The following SPECC1L variants were observed in gnomAD, a reference collection of about 807,000 sequenced individuals.
SPECC1L encodes cytospin-A.
A neutral mutation model predicts 116.8 loss-of-function variants in SPECC1L; 40 were observed. That is an observed-to-expected ratio of 0.34 (90% CI 0.27 to 0.45). The LOEUF (loss-of-function observed/expected upper bound fraction) is 0.45, where lower values mean the gene tolerates loss of function less well. Among genes scored for constraint, SPECC1L ranks in the 20% least tolerant of loss-of-function variants. The pLI is 1.00. For synonymous variants in SPECC1L, 504 were observed against 500.6 expected (o/e 1.01, Z -0.09); for missense variants, 1,110 against 1,373.6 (o/e 0.81, Z 3.03).
chr22:24,364,732 T>G (rs1035622148), intron 12 of SPECC1L, among the ~76,000 whole-genome samples: 16 of 152,272 alleles, frequency 1.1e-4, no homozygotes, highest in African/African-American at 3.9e-4. Flanking sequence ...TGTCTTTCCT[T>G]TCTGTCCCTT....
chr22:24,391,931 T>A (rs1601335729), intron 14 of SPECC1L, among the ~76,000 whole-genome samples: 3 of 152,362 alleles, frequency 2.0e-5, no homozygotes, highest in Admixed American at 2.0e-4. Context: ...GATAATTGTC[T>A]CAGGATGCAT....
intron 2 of SPECC1L, among the ~76,000 whole-genome samples, chr22:24,279,087 C>T (rs2146330493): frequency 6.6e-6 from 1 of 152,242 alleles, no homozygotes; most frequent in African/African-American, 2.4e-5. Context: ...GGCAAAACTT[C>T]CAGGCCCATT....
At chr22:24,376,108 AAGAC>A (rs1196197573) in intron 14 of SPECC1L, among the ~76,000 whole-genome samples, 2 of 152,230 alleles carry the variant, frequency 1.3e-5, no homozygotes, top group Non-Finnish European at 2.9e-5. Context: ...AGTTCTAGCT[AAGAC>A]AGACAAGAAA....
chr22:24,296,766 TG>T (rs1238912462), intron 2 of SPECC1L, among the ~76,000 whole-genome samples: 1 of 152,176 alleles, frequency 6.6e-6, no homozygotes, highest in Non-Finnish European at 1.5e-5. Flanking sequence ...AATTCTAATT[TG>T]TTTTTTTATG....
At chr22:24,339,065 A>G (rs1254503224) in intron 10 of SPECC1L, among the ~76,000 whole-genome samples, 1 of 152,230 alleles carries the variant, frequency 6.6e-6, no homozygotes, top group Non-Finnish European at 1.5e-5. Context: ...TTGACTAGGC[A>G]ATTCTTTGCT....
chr22:24,292,899 AC>A (rs2049181639), intron 2 of SPECC1L, among the ~76,000 whole-genome samples: 1 of 152,200 alleles, frequency 6.6e-6, no homozygotes, highest in Admixed American at 6.5e-5. Flanking sequence ...AAAGGCTGGA[AC>A]CTTGGGCTGA....
chr22:24,400,265 G>A (rs1327486800), intron 14 of SPECC1L, among the ~76,000 whole-genome samples: 4 of 152,126 alleles, frequency 2.6e-5, no homozygotes, highest in African/African-American at 9.7e-5. Flanking sequence ...GCAACCACTC[G>A]TCTACTTTCT....
In SPECC1L at chr22:24,383,895, C is replaced by T. The variant is rs559663709; in HGVS notation, c.3087+14575C>T. Among the ~76,000 whole-genome samples, 9 of 145,060 alleles carry T rather than the reference C, an allele frequency of 6.2e-5. No homozygotes were observed. In the East Asian group the frequency reaches 1.0e-3, roughly 16 times the overall value. On this transcript the variant is annotated intron_variant, in intron 14 of 16. Coordinates refer to ENST00000314328, the MANE Select transcript of SPECC1L (RefSeq NM_015330.6). Reference sequence around the variant, plus strand: ...CTCGAACTCCAGACCTCAGGTGATCCGCCCACCTGGGCCCCCCAAAGTGCT... The same window carrying T: ...CTCGAACTCCAGACCTCAGGTGATCTGCCCACCTGGGCCCCCCAAAGTGCT...
In SPECC1L at chr22:24,347,141, A is replaced by G; in HGVS notation, c.2708A>G (p.Asp903Gly). 1 of 1,614,016 alleles carries G rather than the reference A, an allele frequency of 6.2e-7. No individual in the cohort carries two copies. Among genetic ancestry groups the G allele is most frequent in the Non-Finnish European group, 8.5e-7 (1 of 1,179,902 alleles). ...STSKPLTALSDKRPNYGEIPV... is the reference protein window; with the variant it reads ...STSKPLTALSGKRPNYGEIPV... ...TCCAAACCCCTGACAGCCCTGTCAG[A>G]TAAGAGACCAAACTATGGGGAAATC... Residue 903 changes from aspartate (D) to glycine (G), a missense_variant, in exon 11 of 17, where the codon GAT becomes GGT. Around this residue, in one of 4 missense-constraint regions of SPECC1L, gnomAD observed 575 missense variants for 682.4 expected, o/e 0.84. Coordinates refer to ENST00000314328, the MANE Select transcript of SPECC1L (RefSeq NM_015330.6).
At chr22:24,363,034 G>A (rs977931329) in intron 11 of SPECC1L, among the ~76,000 whole-genome samples, 2 of 152,164 alleles carry the variant, frequency 1.3e-5, no homozygotes, top group Non-Finnish European at 2.9e-5. Context: ...TCTGTGTGGG[G>A]CGTCTCATTC....
intron 10 of SPECC1L, among the ~76,000 whole-genome samples, chr22:24,346,509 T>C (rs1452803838): frequency 6.6e-6 from 1 of 152,204 alleles, no homozygotes; most frequent in African/African-American, 2.4e-5. Context: ...TGCATTTTAT[T>C]TTGGAACATG....
intron 8 of SPECC1L, among the ~76,000 whole-genome samples, chr22:24,331,707 G>A (rs1249986600): frequency 6.6e-6 from 1 of 152,034 alleles, no homozygotes; most frequent in African/African-American, 2.4e-5. Context: ...CACATTGTTT[G>A]CCCTTTTCAC....
chr22:24,411,477 G>A, intron 14 of SPECC1L, 111 bp from the exon 15 acceptor site: 1 of 997,468 alleles, frequency 1.0e-6, no homozygotes, highest in Non-Finnish European at 1.6e-6. Context: ...CCTGGTTTTG[G>A]TTTTGTGTTT....
Position 24,305,929 on chromosome 22 carries a change from T to A in SPECC1L, c.153+3545T>A, listed in dbSNP as rs570333225. 1.2e-3 allele frequency among the ~76,000 whole-genome samples: 182 copies of A among 152,312 alleles called. 3 individuals are homozygous for A. The highest frequency in any genetic ancestry group is 0.012 in the Admixed American group (178 of 15,300). On this transcript the variant is annotated intron_variant, in intron 3 of 16. Transcript: ENST00000314328. ...TGAATACCTTTTCATACAATCTTTT[T>A]TTTTTTTTTGAGATGGAGTTTCACT...
At chr22:24,355,812 C>G (rs2041521043) in intron 11 of SPECC1L, among the ~76,000 whole-genome samples, 1 of 151,274 alleles carries the variant, frequency 6.6e-6, no homozygotes, top group African/African-American at 2.4e-5. Context: ...TCTCTCCCTC[C>G]CTCCCCCCGT....
intron 4 of SPECC1L, among the ~76,000 whole-genome samples, chr22:24,316,889 C>T (rs2040583040): frequency 8.0e-6 from 1 of 124,462 alleles, no homozygotes; most frequent in Non-Finnish European, 1.8e-5. Context: ...CTGGATGGGG[C>T]GGCTGGCCGG....
intron 9 of SPECC1L, among the ~76,000 whole-genome samples, chr22:24,337,430 A>G (rs1417566069): frequency 6.6e-6 from 1 of 152,218 alleles, no homozygotes; most frequent in Non-Finnish European, 1.5e-5. Context: ...CTGGCGGGAC[A>G]GTGGATGGGA....
At chr22:24,369,132 C>A in intron 13 of SPECC1L, 86 bp from the exon 14 acceptor site, 1 of 917,800 alleles carries the variant, frequency 1.1e-6, no homozygotes, top group Non-Finnish European at 1.8e-6. Context: ...TATATTTCCC[C>A]TGTTTAAAAA....
In SPECC1L at chr22:24,299,451, CAG is replaced by C. The variant is rs2049332209; in HGVS notation, c.-37-2743_-37-2742del. On this transcript the variant is annotated intron_variant, in intron 2 of 16. Coordinates refer to ENST00000314328, the MANE Select transcript of SPECC1L (RefSeq NM_015330.6). ...GACCCTGTCTCAAAAAAACGGTGAA[CAG>C]GGGGTATTTGGGTCTGATATGGCTA... Among the ~76,000 whole-genome samples the C allele has an allele frequency of 7.2e-5, 11 of 152,126 alleles. No individual in the cohort carries two copies. In the South Asian group the frequency reaches 1.9e-3, roughly 26 times the overall value.
Sources: allele counts gnomAD v4.1 joint callset (sites outside exome capture counted in the v4.1 genomes callset), GRCh38; gene constraint gnomAD v4.1.1; regional missense constraint gnomAD v4.1.1; transcripts MANE v1.5; gene names NCBI Gene and HGNC (gene_info 2026-07-23, HGNC 2026-07-21).